Variants in FRMD4A observed in about 807,000 individuals in gnomAD.
FRMD4A encodes FERM domain-containing protein 4A.
Under a neutral mutation model 129.1 loss-of-function variants are expected in FRMD4A, and 29 were observed. That is an observed-to-expected ratio of 0.22 (90% confidence interval 0.17 to 0.31). The LOEUF is 0.31. Ranked by LOEUF, FRMD4A falls within the 10% of genes least tolerant of loss-of-function variation. The pLI, the probability that FRMD4A is intolerant of heterozygous loss-of-function variation, is 1.00. For synonymous variants in FRMD4A, 634 were observed against 571.6 expected, an observed-to-expected ratio of 1.11 and a Z score of -1.56; for missense variants, 1,272 against 1,375.8, an observed-to-expected ratio of 0.92 and a Z score of 1.19.
chr10:13,935,479 G>A (rs1416261425), intron 2 of FRMD4A, among the ~76,000 whole-genome samples: 7 of 119,292 alleles, frequency 5.9e-5, no homozygotes, highest in Admixed American at 1.8e-4. Flanking sequence ...AAAAAAAGTT[G>A]TTACCAAATG....
At chr10:13,856,106 G>T (rs192877297) in intron 3 of FRMD4A, among the ~76,000 whole-genome samples, 1 of 151,374 alleles carries the variant, frequency 6.6e-6, no homozygotes, top group African/African-American at 2.4e-5. Flanking sequence ...TAAATAGTGC[G>T]TGTATCTATC....
At chr10:13,703,638 C>G (rs1158160394) in intron 13 of FRMD4A, among the ~76,000 whole-genome samples, 5 of 152,208 alleles carry the variant, frequency 3.3e-5, no homozygotes, top group African/African-American at 1.2e-4. Context: ...AATCACATTC[C>G]TCTTCCCTAC....
At chr10:13,775,868 T>C (rs942954867) in intron 6 of FRMD4A, among the ~76,000 whole-genome samples, 4 of 150,422 alleles carry the variant, frequency 2.7e-5, no homozygotes, top group African/African-American at 9.7e-5. Context: ...TAGGAACTTT[T>C]GGGAGAAAAG....
intron 2 of FRMD4A, among the ~76,000 whole-genome samples, chr10:14,310,434 A>T (rs1846506885): frequency 6.6e-6 from 1 of 152,222 alleles, no homozygotes; most frequent in Admixed American, 6.5e-5. Flanking sequence ...TTCTTTTCTA[A>T]CAAAGAGCAG....
Position 13,656,754 on chromosome 10 carries a change from C to T in FRMD4A, c.2835G>A (p.Leu945=), listed in dbSNP as rs763069203. The change falls in exon 22 of 25, where the codon CTG becomes CTA. Residue 945 remains leucine, a synonymous_variant. Coordinates refer to ENST00000357447, the MANE Select transcript of FRMD4A (RefSeq NM_018027.5). ...STASHKEHSR[L]SHTSSTSSDS... ...CCGAGGAGGTGGAGCTGGTGTGCGACAGGCGGCTGTGCTCCTTGTGCGAGG... is the reference window on the plus strand; with the variant it reads ...CCGAGGAGGTGGAGCTGGTGTGCGATAGGCGGCTGTGCTCCTTGTGCGAGG... The T allele has an allele frequency of 2.2e-5, 35 of 1,599,058 alleles. No individual in the cohort carries two copies. In the Middle Eastern group the frequency reaches 7.6e-4, roughly 35 times the overall value.
chr10:14,200,282 A>G (rs979790633), intron 2 of FRMD4A, among the ~76,000 whole-genome samples: 2 of 150,078 alleles, frequency 1.3e-5, no homozygotes, highest in African/African-American at 4.9e-5. Flanking sequence ...TTAGCACCTG[A>G]TAGTTTAATA....
chr10:13,980,325 C>A (rs888495491), intron 2 of FRMD4A, among the ~76,000 whole-genome samples: 1 of 152,204 alleles, frequency 6.6e-6, no homozygotes, highest in African/African-American at 2.4e-5. Context: ...AAGCCCTCCG[C>A]ATTCCAGCAT....
chr10:14,184,558 T>A (rs1289368732), intron 2 of FRMD4A, among the ~76,000 whole-genome samples: 3 of 152,126 alleles, frequency 2.0e-5, no homozygotes, highest in Non-Finnish European at 2.9e-5. Context: ...TGTTCCAATT[T>A]AAGGGAATTT....
At chr10:14,059,418 T>A (rs1834699466) in intron 2 of FRMD4A, among the ~76,000 whole-genome samples, 1 of 152,154 alleles carries the variant, frequency 6.6e-6, no homozygotes, top group Non-Finnish European at 1.5e-5. Context: ...AGGCCCTGAT[T>A]GGATAGGATT....
At chr10:13,823,935 G>A (rs182960017) in intron 3 of FRMD4A, among the ~76,000 whole-genome samples, 4 of 152,036 alleles carry the variant, frequency 2.6e-5, no homozygotes, top group East Asian at 3.9e-4. Flanking sequence ...GGTGTGGCTC[G>A]TATGACATCT....
At chr10:13,908,777 A>G (rs915638260) in intron 2 of FRMD4A, among the ~76,000 whole-genome samples, 1 of 152,218 alleles carries the variant, frequency 6.6e-6, no homozygotes, top group Non-Finnish European at 1.5e-5. Context: ...TATCAGTAGC[A>G]TTGCCAGAGA....
At chr10:13,700,111 CTTTT>C (rs113984358) in intron 14 of FRMD4A, among the ~76,000 whole-genome samples, 1 of 149,436 alleles carries the variant, frequency 6.7e-6, no homozygotes, top group Non-Finnish European at 1.5e-5. Flanking sequence ...CTCTTTTCTT[CTTTT>C]TTTTTTCTTT....
chr10:14,143,197 T>A (rs1430340142), intron 2 of FRMD4A, among the ~76,000 whole-genome samples: 1 of 152,230 alleles, frequency 6.6e-6, no homozygotes. Context: ...CATTGCAGCA[T>A]TATTTGCAAT....
chr10:14,144,526 G>A (rs1157373568), intron 2 of FRMD4A, among the ~76,000 whole-genome samples: 1 of 152,146 alleles, frequency 6.6e-6, no homozygotes, highest in Non-Finnish European at 1.5e-5. Context: ...AAACCCTGAT[G>A]AGTTTCTGCT....
chr10:14,029,663 C>T (rs1219835127), intron 2 of FRMD4A, among the ~76,000 whole-genome samples: 1 of 152,130 alleles, frequency 6.6e-6, no homozygotes, highest in Admixed American at 6.5e-5. Flanking sequence ...CAGTAAGACA[C>T]ATTAGTTACC....
intron 12 of FRMD4A, among the ~76,000 whole-genome samples, chr10:13,733,481 G>T (rs1228878043): frequency 6.6e-6 from 1 of 152,076 alleles, no homozygotes; most frequent in East Asian, 1.9e-4. Flanking sequence ...GGAGTGCAGT[G>T]GCGAAATCTC....
intron 2 of FRMD4A, among the ~76,000 whole-genome samples, chr10:14,005,568 T>C (rs1016135097): frequency 1.3e-5 from 2 of 152,244 alleles, no homozygotes; most frequent in African/African-American, 4.8e-5. Flanking sequence ...TGTTCTTCTC[T>C]TTGGTTTTCA....
chr10:13,856,054 C>G (rs148705341), intron 3 of FRMD4A, among the ~76,000 whole-genome samples: 1 of 142,848 alleles, frequency 7.0e-6, no homozygotes, highest in African/African-American at 2.5e-5. Context: ...ATCTATCTAT[C>G]TATCTATGTA....
At chr10:13,708,400 T>C (rs1168774090) in intron 12 of FRMD4A, among the ~76,000 whole-genome samples, 1 of 152,196 alleles carries the variant, frequency 6.6e-6, no homozygotes, top group Non-Finnish European at 1.5e-5. Context: ...AAAAACTGCT[T>C]CTGGAATGGC....
Sources: gnomAD v4.1 joint callset for allele counts (sites outside exome capture counted in the v4.1 genomes callset) on GRCh38, gnomAD v4.1.1 for gene constraint, MANE v1.5 for transcripts, NCBI Gene and HGNC (gene_info 2026-07-23, HGNC 2026-07-21) for gene names.